The following GALE variants were observed in gnomAD, a reference collection of about 807,000 sequenced individuals.
GALE encodes UDP-galactose-4-epimerase.
Under a neutral mutation model 44.1 loss-of-function variants are expected in GALE, and 32 were observed. That is an observed-to-expected ratio of 0.73 (90% CI 0.55 to 0.97). The LOEUF is 0.97. Among genes scored for constraint, GALE ranks in the 50% least tolerant of loss-of-function variants. GALE has a pLI of 0.00. For missense variants in GALE, 423 were observed against 455.6 expected (o/e 0.93, Z 0.65); for synonymous variants, 182 against 183.5 (o/e 0.99, Z 0.06).
rs762299342 is a variant in GALE, at chr1:23,796,284, T to C, written c.874-19A>G. 7 of 1,609,052 alleles carry C rather than the reference T, an allele frequency of 4.4e-6. No individual in the cohort carries two copies. The Admixed American group carries it at 6.7e-5, about 15-fold the overall frequency. On this transcript the variant is annotated intron_variant, in intron 10 of 11. Coordinates refer to ENST00000617979, the MANE Select transcript of GALE (RefSeq NM_001008216.2). This position sits in a 1 kb window ranked among gnomAD's most constrained non-coding sequence, Gnocchi z 5.2. ...ACGGGATCTGCAAGACAGGAGGTAG[T>C]TGGAGCTTAGCTGAGCCGGCCCTGG...
Position 23,796,802 on chromosome 1 carries a change from T to G in GALE, c.710-20A>C. 1 of 1,608,272 alleles carries G rather than the reference T, an allele frequency of 6.2e-7. No individual in the cohort carries two copies. The highest frequency in any genetic ancestry group is 8.5e-7 in the Non-Finnish European group (1 of 1,177,066). On this transcript the variant is annotated intron_variant, in intron 8 of 11. Transcript: ENST00000617979. This position sits in a 1 kb window ranked among gnomAD's most constrained non-coding sequence, Gnocchi z 5.2. ...GGACACCTGCAGAGAAGGGAGTGTG[T>G]TGGATGGGGAGTCTGTTCCCCCTGA... is the stretch of plus-strand genomic sequence containing the variant.
At position 23,798,557 on chromosome 1, in the gene GALE, C is replaced by T. The variant is rs779422375; in HGVS notation, c.237+58G>A. ...CTGGGCTCAAGTGATCTCCTCACCT[C>T]GGCCTTCCAAAGTGCTGGAATTACA... On this transcript the variant is annotated intron_variant, in intron 4 of 11. Transcript: ENST00000617979. The surrounding 1 kb of genome is among the most constrained non-coding windows in gnomAD (Gnocchi z 4.5). 8.0e-6 allele frequency: 10 copies of T among 1,242,678 alleles called. No individual in the cohort carries two copies. The highest frequency in any genetic ancestry group is 5.1e-5 in the Admixed American group (3 of 59,340). The allele number at this position is 1,242,678 out of a possible 1,614,324, so 77.0% of individuals were successfully genotyped here.
chr1:23,798,302 T>G lies in GALE; in HGVS notation c.238-72A>C. On this transcript the variant is annotated intron_variant, in intron 4 of 11. Transcript: ENST00000617979. This position sits in a 1 kb window ranked among gnomAD's most constrained non-coding sequence, Gnocchi z 4.5. The stretch of plus-strand genomic sequence containing the variant: ...TGGCAATGCCCTCAGCCTGCCTGCC[T>G]GCACTCACCTTTTTTTTTTTTTTTG... The G allele has an allele frequency of 9.7e-7, 1 of 1,032,584 alleles. No individual in the cohort carries two copies. Among genetic ancestry groups the G allele is most frequent in the Non-Finnish European group, 1.5e-6 (1 of 681,696 alleles). The allele number at this position is 1,032,584 out of a possible 1,614,324, so 64.0% of individuals were successfully genotyped here.
In GALE at chr1:23,798,052, G is replaced by A. The variant is rs1047543669; in HGVS notation, c.351+65C>T. 1.1e-4 allele frequency: 160 copies of A among 1,420,204 alleles called. 1 individual carries two copies. Among genetic ancestry groups the A allele is most frequent in the Middle Eastern group, 8.7e-4 (5 of 5,736 alleles). The allele number at this position is 1,420,204 out of a possible 1,614,324, so 88.0% of individuals were successfully genotyped here. A position where few individuals can be genotyped will look rare whatever the true frequency, so the allele number is the denominator to read the frequency against. Reference sequence around the variant, plus strand: ...CAGCTTGGGCTCTGTGTTTGGCACTGCCTGCCAGGCTGGGGTCCAGCTGGA... The same window carrying A: ...CAGCTTGGGCTCTGTGTTTGGCACTACCTGCCAGGCTGGGGTCCAGCTGGA... On this transcript the variant is annotated intron_variant, in intron 5 of 11. Coordinates refer to ENST00000617979, the MANE Select transcript of GALE (RefSeq NM_001008216.2). This position sits in a 1 kb window ranked among gnomAD's most constrained non-coding sequence, Gnocchi z 4.5.
rs1303687533 is a variant in GALE, at chr1:23,798,985, G to A, written c.23C>T (p.Thr8Ile). 1.9e-6 allele frequency: 3 copies of A among 1,614,086 alleles called. No individual in the cohort carries two copies. The highest frequency in any genetic ancestry group is 2.5e-6 in the Non-Finnish European group (3 of 1,180,044). ...GCTGCCAATGTAGCCAGCCCCACCTGTTACCAGCACCTTCTCTGCCATGGC... is the reference window on the plus strand; with the variant it reads ...GCTGCCAATGTAGCCAGCCCCACCTATTACCAGCACCTTCTCTGCCATGGC... MAEKVLV[T>I]GGAGYIGSHT... Residue 8 changes from threonine (T) to isoleucine (I), a missense_variant, in exon 3 of 12, where the codon ACA (threonine) becomes ATA (isoleucine). Thr to Ile is a moderately conservative substitution (Grantham distance 89). Coordinates refer to ENST00000617979, the MANE Select transcript of GALE (RefSeq NM_001008216.2). This position sits in a 1 kb window ranked among gnomAD's most constrained non-coding sequence, Gnocchi z 4.5.
At position 23,796,317 on chromosome 1, in the gene GALE, G is replaced by T; in HGVS notation, c.874-52C>A. The T allele has an allele frequency of 1.9e-6, 3 of 1,543,980 alleles. No homozygotes were observed. Among genetic ancestry groups the T allele is most frequent in the Non-Finnish European group, 2.7e-6 (3 of 1,116,040 alleles). On this transcript the variant is annotated intron_variant, in intron 10 of 11. Transcript: ENST00000617979. This position sits in a 1 kb window ranked among gnomAD's most constrained non-coding sequence, Gnocchi z 5.2. ...TAGCTGAGCCGGCCCTGGCCCAGCT[G>T]CTGGCCAGGTCTTTAAGAAGCAGAA...
Position 23,797,036 on chromosome 1 carries a change from G to A in GALE, c.640C>T (p.Gln214Ter), listed in dbSNP as rs1638980794. The A allele has an allele frequency of 6.2e-7, 1 of 1,612,300 alleles. No homozygotes were observed. Among genetic ancestry groups the A allele is most frequent in the East Asian group, 2.2e-5 (1 of 44,844 alleles). Residue 214 changes from glutamine to a stop codon, truncating the protein, a stop_gained and splice_region_variant, in exon 7 of 12, where the codon CAG (glutamine) becomes TAG (stop). Transcript: ENST00000617979. LOFTEE classifies it high-confidence loss of function. ...IPNNLMPYVS[Q>*]VAIGRREALN... Reference sequence around the variant, plus strand: ...CTGTCCCTTCCCTTTTGCCTTACCTGGGAGACATAAGGCATGAGGTTGTTG... The same window carrying A: ...CTGTCCCTTCCCTTTTGCCTTACCTAGGAGACATAAGGCATGAGGTTGTTG...
At position 23,796,995 on chromosome 1, in the gene GALE, C is replaced by T; in HGVS notation, c.642+39G>A. The stretch of plus-strand genomic sequence containing the variant: ...CCCAGATCCCAGGCACCAGCTTTAA[C>T]CCCAGGGCCACTCCTCTGTCCCTTC... On this transcript the variant is annotated intron_variant, in intron 7 of 11. Transcript: ENST00000617979. This position sits in a 1 kb window ranked among gnomAD's most constrained non-coding sequence, Gnocchi z 5.2. 1 of 1,608,140 alleles carries T rather than the reference C, an allele frequency of 6.2e-7. No homozygotes were observed. The highest frequency in any genetic ancestry group is 1.3e-5 in the African/African-American group (1 of 74,970).
In GALE at chr1:23,797,126, G is replaced by A. The variant is rs767796512; in HGVS notation, c.550C>T (p.Arg184Cys). The stretch of plus-strand genomic sequence containing the variant: ...TGGGCACCTGTGGGGTTGAAATAGC[G>A]CAGCAGCACTGCGTTCCAAGTCTGT... ...ADKTWNAVLL[R>C]YFNPTGAHAS... Residue 184 changes from arginine (R) to cysteine (C), a missense_variant, in exon 7 of 12, where the codon CGC becomes TGC. Arg to Cys is a radical substitution (Grantham distance 180). Transcript: ENST00000617979. 13 of 1,610,948 alleles carry A rather than the reference G, an allele frequency of 8.1e-6. No homozygotes were observed. Among genetic ancestry groups the A allele is most frequent in the South Asian group, 5.5e-5 (5 of 90,208 alleles).
In GALE at chr1:23,797,919, C is replaced by T. The variant is rs751693753; in HGVS notation, c.352-48G>A. On this transcript the variant is annotated intron_variant, in intron 5 of 11. Transcript: ENST00000617979. Reference sequence around the variant, plus strand: ...AGTGACCTCTGCCTCACACATTACTCCCACCCTGTTACTCCTCCACAGGAG... The same window carrying T: ...AGTGACCTCTGCCTCACACATTACTTCCACCCTGTTACTCCTCCACAGGAG... The T allele has an allele frequency of 3.8e-5, 61 of 1,590,660 alleles. No homozygotes were observed. In the Admixed American group the frequency reaches 1.0e-3, roughly 26 times the overall value.
At position 23,798,739 on chromosome 1, in the gene GALE, G is replaced by A. The variant is rs1352266326; in HGVS notation, c.122-9C>T. 6.2e-7 allele frequency: 1 copy of A among 1,611,842 alleles called. No homozygotes were observed. Among genetic ancestry groups the A allele is most frequent in the South Asian group, 1.1e-5 (1 of 91,038 alleles). On this transcript the variant is annotated splice_polypyrimidine_tract_variant and intron_variant, in intron 3 of 11. Coordinates refer to ENST00000617979, the MANE Select transcript of GALE (RefSeq NM_001008216.2). This position sits in a 1 kb window ranked among gnomAD's most constrained non-coding sequence, Gnocchi z 4.5. Reference sequence around the variant, plus strand: ...AGGCAGGGAGCCCCCTCCTGGTAGGGTACATGTAGGCCACATCATCACGAC... The same window carrying A: ...AGGCAGGGAGCCCCCTCCTGGTAGGATACATGTAGGCCACATCATCACGAC...
chr1:23,797,526 CTATT>C (rs371410994), intron 6 of GALE, among the ~76,000 whole-genome samples, 165 bp downstream of exon 6: 38 of 152,128 alleles, frequency 2.5e-4, no homozygotes, highest in African/African-American at 8.9e-4. Flanking sequence ...GGCCAGTTGT[CTATT>C]TATTATCTTT....
chr1:23,796,320 G>A lies in GALE; in HGVS notation c.874-55C>T. ...CTGAGCCGGCCCTGGCCCAGCTGCT[G>A]GCCAGGTCTTTAAGAAGCAGAAGTG... is the stretch of plus-strand genomic sequence containing the variant. On this transcript the variant is annotated intron_variant, in intron 10 of 11. Transcript: ENST00000617979. The surrounding 1 kb of genome is among the most constrained non-coding windows in gnomAD (Gnocchi z 5.2). 2 of 1,550,232 alleles carry A rather than the reference G, an allele frequency of 1.3e-6. No homozygotes were observed. The highest frequency in any genetic ancestry group is 8.9e-7 in the Non-Finnish European group (1 of 1,121,892).
intron 5 of GALE, 22 bp from the exon 6 acceptor site, chr1:23,797,893 C>T: frequency 6.2e-7 from 1 of 1,613,282 alleles, no homozygotes; most frequent in Non-Finnish European, 8.5e-7. Context: ...GAGATGGCAT[C>T]AGTGACCTCT....
At position 23,798,303 on chromosome 1, in the gene GALE, G is replaced by T; in HGVS notation, c.238-73C>A. ...GGCAATGCCCTCAGCCTGCCTGCCTGCACTCACCTTTTTTTTTTTTTTTGA... is the reference window on the plus strand; with the variant it reads ...GGCAATGCCCTCAGCCTGCCTGCCTTCACTCACCTTTTTTTTTTTTTTTGA... On this transcript the variant is annotated intron_variant, in intron 4 of 11. Transcript: ENST00000617979. This position sits in a 1 kb window ranked among gnomAD's most constrained non-coding sequence, Gnocchi z 4.5. The T allele has an allele frequency of 1.9e-6, 2 of 1,038,002 alleles. No homozygotes were observed. The highest frequency in any genetic ancestry group is 2.9e-6 in the Non-Finnish European group (2 of 685,776). The allele number at this position is 1,038,002 out of a possible 1,614,324, so 64.3% of individuals were successfully genotyped here. A position where few individuals can be genotyped will look rare whatever the true frequency, so the allele number is the denominator to read the frequency against.
chr1:23,796,782 C>G lies in GALE; in HGVS notation c.710G>C (p.Gly237Ala). Residue 237 changes from glycine to alanine, a missense_variant and splice_region_variant, in exon 9 of 12, where the codon GGT becomes GCT. Transcript: ENST00000617979. This position sits in a 1 kb window ranked among gnomAD's most constrained non-coding sequence, Gnocchi z 5.2. ...GNDYDTEDGT[G>A]VRDYIHVVDL... Reference sequence around the variant, plus strand: ...CACGACATGGATGTAATCCCGGACACCTGCAGAGAAGGGAGTGTGTTGGAT... The same window carrying G: ...CACGACATGGATGTAATCCCGGACAGCTGCAGAGAAGGGAGTGTGTTGGAT... The G allele has an allele frequency of 6.2e-7, 1 of 1,610,222 alleles. No individual in the cohort carries two copies. The highest frequency in any genetic ancestry group is 8.5e-7 in the Non-Finnish European group (1 of 1,177,974).
rs369083219 is a variant in GALE, at chr1:23,796,028, T to C, written c.989-21A>G. The C allele has an allele frequency of 1.2e-5, 19 of 1,613,316 alleles. 1 individual carries two copies. Among genetic ancestry groups the C allele is most frequent in the African/African-American group, 5.3e-5 (4 of 74,918 alleles). ...CTCACCTGCAACACGGCGAGGTGTG[T>C]GCTCAGGGCCCACGGTGGAATGCAG... On this transcript the variant is annotated intron_variant, in intron 11 of 11. Coordinates refer to ENST00000617979, the MANE Select transcript of GALE (RefSeq NM_001008216.2). The surrounding 1 kb of genome is among the most constrained non-coding windows in gnomAD (Gnocchi z 5.2).
Position 23,795,884 on chromosome 1 carries a change from G to T in GALE, c.*65C>A. 1 of 1,515,408 alleles carries T rather than the reference G, an allele frequency of 6.6e-7. No homozygotes were observed. Among genetic ancestry groups the T allele is most frequent in the Non-Finnish European group, 9.1e-7 (1 of 1,094,356 alleles). The allele number at this position is 1,515,408 out of a possible 1,614,324, so 93.9% of individuals were successfully genotyped here. A position where few individuals can be genotyped will look rare whatever the true frequency, so the allele number is the denominator to read the frequency against. On this transcript the variant is annotated 3_prime_UTR_variant, in exon 12 of 12. Coordinates refer to ENST00000617979, the MANE Select transcript of GALE (RefSeq NM_001008216.2). ...GGCCCCAGCAGCTCCAGGGCCCTGA[G>T]TTCCTGCCAGAGGCTGGAGAGCAGG...
rs1638968230 is a variant in GALE at position 23,796,731 on chromosome 1, G to A, written c.761C>T (p.Ala254Val). The A allele has an allele frequency of 1.2e-6, 2 of 1,612,706 alleles. No homozygotes were observed. The highest frequency in any genetic ancestry group is 1.7e-6 in the Non-Finnish European group (2 of 1,179,472). The change falls in exon 9 of 12, where the codon GCC (alanine) becomes GTC (valine). Residue 254 changes from alanine to valine, a missense_variant. Ala to Val is a moderately conservative substitution (Grantham distance 64). Coordinates refer to ENST00000617979, the MANE Select transcript of GALE (RefSeq NM_001008216.2). This position sits in a 1 kb window ranked among gnomAD's most constrained non-coding sequence, Gnocchi z 5.2. ...VVDLAKGHIA[A>V]LRKLKEQCGC... ...ACACTGTTCTTTCAGCTTCCTTAAG[G>A]CTGCAATGTGGCCCTTGGCCAGATC... is the stretch of plus-strand genomic sequence containing the variant.
Sources: allele counts gnomAD v4.1 joint callset (sites outside exome capture counted in the v4.1 genomes callset), GRCh38; gene constraint gnomAD v4.1.1; non-coding constraint Gnocchi (gnomAD v3.1); transcripts MANE v1.5; gene names NCBI Gene and HGNC (gene_info 2026-07-23, HGNC 2026-07-21).